DMKN: variants seen among roughly 807,000 people sequenced by gnomAD.
The protein encoded by DMKN is epidermis-specific secreted protein SK30/SK89.
DMKN carries 58 observed loss-of-function variants against 67.6 expected under a neutral mutation model. The ratio of observed to expected loss-of-function variants is 0.86; its 90% confidence interval spans 0.69 to 1.07. The LOEUF (loss-of-function observed/expected upper bound fraction) is 1.07, where lower values mean the gene tolerates loss of function less well. Ranked by LOEUF, DMKN falls within the 50% of genes least tolerant of loss-of-function variation. DMKN has a pLI of 0.00. For synonymous variants in DMKN, 240 were observed against 232.3 expected, an observed-to-expected ratio of 1.03 and a Z score of -0.30; for missense variants, 596 against 601.5, an observed-to-expected ratio of 0.99 and a Z score of 0.10.
chr19:35,504,827 G>A (rs1478431366), intron 9 of DMKN, among the ~76,000 whole-genome samples: 3 of 151,832 alleles, frequency 2.0e-5, no homozygotes, highest in Non-Finnish European at 4.4e-5. Context: ...GGACAGTCTG[G>A]CCACTAGGGA....
intron 11 of DMKN, 168 bp downstream of exon 11, chr19:35,501,968 C>A (rs1599852042): frequency 1.3e-6 from 2 of 1,547,380 alleles, no homozygotes; most frequent in East Asian, 4.8e-5. Flanking sequence ...CCACCCTGCT[C>A]CTCAGTGACT....
At chr19:35,506,702 G>A in intron 7 of DMKN, 1 of 354,960 alleles carries the variant, frequency 2.8e-6, no homozygotes, top group Non-Finnish European at 5.7e-6. Flanking sequence ...AGCTGGTGGT[G>A]ATTTTAATAT....
intron 3 of DMKN, among the ~76,000 whole-genome samples, 199 bp downstream of exon 3, chr19:35,512,222 T>C (rs1290236101): frequency 6.6e-6 from 1 of 152,100 alleles, no homozygotes; most frequent in Non-Finnish European, 1.5e-5. Context: ...GGTCTTGAAC[T>C]CCTGACCTCA....
At chr19:35,511,859 G>A (rs1428974838) in intron 3 of DMKN, 46 bp from the exon 4 acceptor site, 2 of 1,586,204 alleles carry the variant, frequency 1.3e-6, no homozygotes, top group East Asian at 2.3e-5. Context: ...TGAGTTTGGA[G>A]ACGTTGGCCT....
At chr19:35,511,677 A>G (rs2070850354) in intron 4 of DMKN, 84 bp from the exon 5 acceptor site, 1 of 1,592,150 alleles carries the variant, frequency 6.3e-7, no homozygotes, top group South Asian at 1.1e-5. Context: ...CACCCAGGCC[A>G]TATTCCATGA....
At chr19:35,501,000 G>A (rs1224175127) in intron 11 of DMKN, among the ~76,000 whole-genome samples, 1 of 152,210 alleles carries the variant, frequency 6.6e-6, no homozygotes, top group Admixed American at 6.5e-5. Flanking sequence ...CTTGAAGGAG[G>A]GGTTGTTATC....
intron 7 of DMKN, 25 bp downstream of exon 7, chr19:35,509,886 A>G: frequency 1.9e-6 from 3 of 1,614,038 alleles, no homozygotes; most frequent in Non-Finnish European, 2.5e-6. Flanking sequence ...AGTCCCCAGG[A>G]GACTTAAGAG....
rs1791598526 is a variant in DMKN, at chr19:35,511,468, A to ACTGCTGCTG, written c.860_861insCAGCAGCAG (p.Gly287_Gly288insSerSerSer). The ACTGCTGCTG allele has an allele frequency of 4.6e-6, 5 of 1,095,946 alleles. No individual in the cohort carries two copies. In the African/African-American group the frequency reaches 1.4e-4, roughly 30 times the overall value. The allele number at this position is 1,095,946 out of a possible 1,614,324, so 67.9% of individuals were successfully genotyped here. A position where few individuals can be genotyped will look rare whatever the true frequency, so the allele number is the denominator to read the frequency against. ...TGCCACCACTGTTGCCACTGCTGCC[A>ACTGCTGCTG]CCACTGCTGCCGCCACTGCTGCCGC... On this transcript the variant is annotated inframe_insertion, in exon 5 of 16. Transcript: ENST00000339686.
At chr19:35,498,652 T>G (rs1420769167) in intron 15 of DMKN, 64 bp downstream of exon 15, 1 of 1,607,218 alleles carries the variant, frequency 6.2e-7, no homozygotes, top group African/African-American at 1.3e-5. Context: ...ATCCTGGCCC[T>G]GCCCCGGGTG....
Position 35,512,769 on chromosome 19 carries a change from T to C in DMKN, c.448A>G (p.Ile150Val). The C allele has an allele frequency of 6.2e-7, 1 of 1,613,764 alleles. No individual in the cohort carries two copies. ...GAWETSGGHG[I>V]FGSQGGLGGQ... is the part of the protein sequence containing the mutation. ...CCAAGGCCACCTTGAGAGCCAAAGA[T>C]GCCATGGCCTCCAGAAGTTTCCTGC... The change falls in exon 2 of 16, where the codon ATC becomes GTC. Residue 150 changes from isoleucine (I) to valine (V), a missense_variant. Transcript: ENST00000339686.
intron 7 of DMKN, chr19:35,506,693 G>A (rs1259704826): frequency 2.7e-6 from 1 of 368,818 alleles, no homozygotes; most frequent in Non-Finnish European, 5.5e-6. Context: ...ACATGATAGA[G>A]CTGGTGGTGA....
chr19:35,499,935 G>T, intron 13 of DMKN, 23 bp downstream of exon 13: 1 of 1,613,246 alleles, frequency 6.2e-7, no homozygotes, highest in Middle Eastern at 1.7e-4. Flanking sequence ...CCAGCGGGAA[G>T]ACAGGGTGGT....
chr19:35,510,525 A>C, intron 5 of DMKN: 1 of 1,541,928 alleles, frequency 6.5e-7, no homozygotes, highest in Non-Finnish European at 8.7e-7. Flanking sequence ...GAACCCCTGG[A>C]GCCCGGCCGC....
chr19:35,498,527 G>T lies in DMKN; in HGVS notation c.*189C>A, dbSNP rs993192358. The T allele has an allele frequency of 1.5e-5, 11 of 747,394 alleles. No individual in the cohort carries two copies. In the South Asian group the frequency reaches 2.0e-4, roughly 14 times the overall value. The allele number at this position is 747,394 out of a possible 1,614,324, so 46.3% of individuals were successfully genotyped here. On this transcript the variant is annotated intron_variant, in intron 15 of 15. Coordinates refer to ENST00000339686, the MANE Select transcript of DMKN (RefSeq NM_033317.5). Reference sequence around the variant, plus strand: ...CCCAGCCCTAGATCACTTTATTATGGGTCTTTCTCCACACCCCACCATGAG... The same window carrying T: ...CCCAGCCCTAGATCACTTTATTATGTGTCTTTCTCCACACCCCACCATGAG...
At chr19:35,508,504 C>A (rs1026037718) in intron 7 of DMKN, 23 of 326,200 alleles carry the variant, frequency 7.1e-5, no homozygotes, top group Non-Finnish European at 1.1e-5. Context: ...TCCTGTCCGA[C>A]AGAATTCCCA....
intron 13 of DMKN, among the ~76,000 whole-genome samples, chr19:35,499,688 G>A (rs963073554): frequency 6.6e-6 from 1 of 152,066 alleles, no homozygotes; most frequent in African/African-American, 2.4e-5. Flanking sequence ...AGAGGGTGTT[G>A]GTTCTCAGTT....
intron 5 of DMKN, chr19:35,510,649 G>A (rs1448561205): frequency 2.5e-5 from 31 of 1,229,448 alleles, no homozygotes; most frequent in Non-Finnish European, 3.2e-5. Context: ...CCCTAGATGG[G>A]GGAGAGGAGG....
At position 35,513,525 on chromosome 19, in the gene DMKN, T is replaced by C; in HGVS notation, c.-50A>G. On this transcript the variant is annotated 5_prime_UTR_variant, in exon 1 of 16. Coordinates refer to ENST00000339686, the MANE Select transcript of DMKN (RefSeq NM_033317.5). ...AGAGTGTCTTCCTCCCACCAGGGTC[T>C]CCTCCTTGCCGCCCTTGCTCTGCGT... 6.4e-7 allele frequency: 1 copy of C among 1,551,262 alleles called. No individual in the cohort carries two copies. The highest frequency in any genetic ancestry group is 8.6e-7 in the Non-Finnish European group (1 of 1,159,456).
chr19:35,512,724 G>C lies in DMKN; in HGVS notation c.493C>G (p.Pro165Ala). The change falls in exon 2 of 16, where the codon CCT (proline) becomes GCT (alanine). Residue 165 changes from proline to alanine, a missense_variant. Physicochemically the swap from Pro to Ala is conservative, Grantham distance 27 (BLOSUM62 -1). Coordinates refer to ENST00000339686, the MANE Select transcript of DMKN (RefSeq NM_033317.5). ...GGLGGQGQGN[P>A]GGLGTPWVHG... ...ACCCACGGAGTCCCCAGACCTCCAG[G>C]ATTGCCCTGGCCCTGGCCTCCAAGG... 1 of 1,614,140 alleles carries C rather than the reference G, an allele frequency of 6.2e-7. No homozygotes were observed. The highest frequency in any genetic ancestry group is 8.5e-7 in the Non-Finnish European group (1 of 1,180,020).
Sources: gnomAD v4.1 joint callset for allele counts (sites outside exome capture counted in the v4.1 genomes callset) on GRCh38, gnomAD v4.1.1 for gene constraint, MANE v1.5 for transcripts, NCBI Gene and HGNC (gene_info 2026-07-23, HGNC 2026-07-21) for gene names.